Variants in RBFOX1 observed in about 807,000 individuals in gnomAD.
RBFOX1 encodes RNA binding fox-1 homolog 1, also known as RNA binding protein fox-1 homolog 1.
In RBFOX1, 8 loss-of-function variants were observed where a neutral mutation model predicts 57.7. The ratio of observed to expected loss-of-function variants is 0.14; its 90% CI spans 0.08 to 0.25. The LOEUF (loss-of-function observed/expected upper bound fraction) is 0.25. Ranked by LOEUF, RBFOX1 falls within the 10% of genes least tolerant of loss-of-function variation. The probability of loss-of-function intolerance (pLI) is 1.00; values close to 1 mark genes in which losing one functional copy is unlikely to be tolerated. For synonymous variants in RBFOX1, 326 were observed against 222.4 expected (o/e 1.47, Z -4.15); for missense variants, 611 against 548.5 (o/e 1.11, Z -1.14).
At chr16:6,257,202 T>C (rs1229117512) in intron 1 of RBFOX1, among the ~76,000 whole-genome samples, 1 of 152,160 alleles carries the variant, frequency 6.6e-6, no homozygotes. Context: ...GCTGCACCTA[T>C]GAACCCCTCA....
At chr16:7,174,219 G>C (rs1296118813) in intron 4 of RBFOX1, among the ~76,000 whole-genome samples, 1 of 151,858 alleles carries the variant, frequency 6.6e-6, no homozygotes, top group Non-Finnish European at 1.5e-5. Context: ...TGAACATGAG[G>C]TTCATCCATG....
At chr16:6,154,624 C>G (rs746582019) in intron 1 of RBFOX1, among the ~76,000 whole-genome samples, 13 of 152,144 alleles carry the variant, frequency 8.5e-5, no homozygotes, top group Non-Finnish European at 1.2e-4. Flanking sequence ...GAGAGAGAAT[C>G]TACTCTTGGT....
chr16:5,604,734 G>T (rs1156740161), downstream of RBFOX1, among the ~76,000 whole-genome samples: 1 of 152,154 alleles, frequency 6.6e-6, no homozygotes, highest in African/African-American at 2.4e-5. Context: ...TTGGGGCCAA[G>T]TGTGCTGCTA....
chr16:6,942,522 A>C (rs556373582), intron 3 of RBFOX1, among the ~76,000 whole-genome samples: 1 of 152,228 alleles, frequency 6.6e-6, no homozygotes, highest in Non-Finnish European at 1.5e-5. Flanking sequence ...TCCTAGTGAG[A>C]CTATCAGTTA....
rs139610085 is a variant in RBFOX1, at chr16:7,199,553, C to A, written c.27+147455C>A. Among the ~76,000 whole-genome samples, 169 of 152,250 alleles carry A rather than the reference C, an allele frequency of 1.1e-3. No individual in the cohort carries two copies. In the East Asian group the frequency reaches 0.026, roughly 23 times the overall value. ...ATGTTCAGAGGAATGGTATCTACTT[C>A]CATACACAGAATCAGCCAATAATCT... On this transcript the variant is annotated intron_variant, in intron 4 of 15. Coordinates refer to ENST00000550418, the MANE Select transcript of RBFOX1 (RefSeq NM_018723.4).
At chr16:5,249,932 G>GCAGTGAGGAGGAGGTTA in intron 1 of RBFOX1, among the ~76,000 whole-genome samples, 1 of 151,872 alleles carries the variant, frequency 6.6e-6, no homozygotes. Flanking sequence ...GGAGGAGGTT[G>GCAGTGAGGAGGAGGTTA]CAGTGAGGAG....
chr16:6,800,549 T>C (rs983781730), intron 3 of RBFOX1, among the ~76,000 whole-genome samples: 6 of 152,130 alleles, frequency 3.9e-5, no homozygotes, highest in Non-Finnish European at 8.8e-5. Context: ...CGCTACACTT[T>C]AAGTAACAAG....
intron 4 of RBFOX1, among the ~76,000 whole-genome samples, chr16:7,160,192 A>C (rs1463133087): frequency 6.7e-6 from 1 of 148,924 alleles, no homozygotes; most frequent in Non-Finnish European, 1.5e-5. Flanking sequence ...ATGACTTTTG[A>C]CTTTTTTTTT....
At chr16:6,794,867 C>G (rs1192331498) in intron 3 of RBFOX1, among the ~76,000 whole-genome samples, 1 of 151,860 alleles carries the variant, frequency 6.6e-6, no homozygotes, top group African/African-American at 2.4e-5. Context: ...TTTTTTCCCC[C>G]TATGAAAAAA....
intron 4 of RBFOX1, among the ~76,000 whole-genome samples, chr16:7,122,626 A>G (rs2067446870): frequency 6.6e-6 from 1 of 152,210 alleles, no homozygotes; most frequent in African/African-American, 2.4e-5. Flanking sequence ...TGGTAGGAAC[A>G]TAGAACAATG....
At chr16:6,087,869 T>A (rs1451034103) in intron 1 of RBFOX1, among the ~76,000 whole-genome samples, 1 of 152,202 alleles carries the variant, frequency 6.6e-6, no homozygotes, top group Non-Finnish European at 1.5e-5. Flanking sequence ...GCCAGAATGG[T>A]CTCGATCTCT....
chr16:6,210,732 AAAAAG>A (rs757852570), intron 1 of RBFOX1, among the ~76,000 whole-genome samples: 18 of 152,304 alleles, frequency 1.2e-4, no homozygotes, highest in South Asian at 6.2e-4. Context: ...CTCAACAAAA[AAAAAG>A]AAAAGAAAAG....
At chr16:7,160,769 C>T (rs1054760257) in intron 4 of RBFOX1, among the ~76,000 whole-genome samples, 6 of 151,248 alleles carry the variant, frequency 4.0e-5, no homozygotes, top group Non-Finnish European at 7.4e-5. Flanking sequence ...CCTCCTCCTC[C>T]GCCTCCCCCT....
intron 2 of RBFOX1, among the ~76,000 whole-genome samples, chr16:5,529,687 A>G (rs1251324780): frequency 6.6e-6 from 1 of 151,184 alleles, no homozygotes; most frequent in Non-Finnish European, 1.5e-5. Context: ...CTGCCTCACC[A>G]TCCCGATTAG....
intron 4 of RBFOX1, among the ~76,000 whole-genome samples, chr16:7,060,692 A>T (rs967586466): frequency 2.6e-5 from 4 of 152,130 alleles, no homozygotes; most frequent in African/African-American, 9.7e-5. Context: ...CCAGCAAGTA[A>T]TTTCTGGGAC....
chr16:6,222,684 T>TTTATTA (rs57108959), intron 1 of RBFOX1, among the ~76,000 whole-genome samples: 24,341 of 141,066 alleles, frequency 0.17, 2,324 homozygotes, highest in South Asian at 0.3. Context: ...TTTCTTTTCT[T>TTTATTA]TTATTATTAT....
In RBFOX1 at chr16:6,646,872, C is replaced by T. The variant is rs148345613; in HGVS notation, c.-63-7731C>T. Among the ~76,000 whole-genome samples the T allele has an allele frequency of 5.5e-3, 834 of 152,122 alleles. 16 individuals carry two copies. The highest frequency in any genetic ancestry group is 0.019 in the African/African-American group (791 of 41,470). On this transcript the variant is annotated intron_variant, in intron 2 of 15. Coordinates refer to ENST00000550418, the MANE Select transcript of RBFOX1 (RefSeq NM_018723.4). ...GTCCGAAGTCAAGCAGAGACTTCAG[C>T]CATTAATTTAGGAGACAGGGTGAGA... is the stretch of plus-strand genomic sequence containing the variant.
At chr16:5,707,844 G>A (rs1284513448) in intron 3 of RBFOX1, among the ~76,000 whole-genome samples, 5 of 152,192 alleles carry the variant, frequency 3.3e-5, no homozygotes, top group Admixed American at 3.3e-4. Flanking sequence ...TAGAGTAGTA[G>A]TTAAGAATGC....
At chr16:6,397,308 C>T (rs2092879731) in intron 2 of RBFOX1, among the ~76,000 whole-genome samples, 1 of 151,992 alleles carries the variant, frequency 6.6e-6, no homozygotes, top group African/African-American at 2.4e-5. Flanking sequence ...GAAAAAGAGG[C>T]ATTTCCTACA....
Sources: allele counts gnomAD v4.1 joint callset (sites outside exome capture counted in the v4.1 genomes callset), GRCh38; gene constraint gnomAD v4.1.1; transcripts MANE v1.5; gene names NCBI Gene and HGNC (gene_info 2026-07-23, HGNC 2026-07-21).